Variants in DOCK3 observed in about 807,000 individuals in gnomAD.
The protein encoded by DOCK3 is dedicator of cytokinesis 3, also known as dedicator of cytokinesis protein 3.
A neutral mutation model predicts 265.6 loss-of-function variants in DOCK3; 60 were observed. That is an observed-to-expected ratio of 0.23 (90% CI 0.18 to 0.28). DOCK3 has a LOEUF of 0.28. Ranked by LOEUF, DOCK3 falls within the 10% of genes least tolerant of loss-of-function variation. DOCK3 has a pLI of 1.00. For missense variants in DOCK3, 1,981 were observed against 2,594.3 expected (o/e 0.76, Z 5.14); for synonymous variants, 881 against 938.0 (o/e 0.94, Z 1.11).
At chr3:50,978,732 C>A (rs1378823444) in intron 5 of DOCK3, among the ~76,000 whole-genome samples, 1 of 152,218 alleles carries the variant, frequency 6.6e-6, no homozygotes, top group East Asian at 1.9e-4. Context: ...TGGCGGGCGC[C>A]CCTCCCCCAG....
At chr3:51,003,676 T>C (rs1423703676) in intron 5 of DOCK3, among the ~76,000 whole-genome samples, 1 of 152,242 alleles carries the variant, frequency 6.6e-6, no homozygotes, top group Admixed American at 6.5e-5. Flanking sequence ...TTCTCCTATT[T>C]CTTGATACAA....
At chr3:50,854,994 A>G (rs377393589) in intron 3 of DOCK3, among the ~76,000 whole-genome samples, 4 of 151,924 alleles carry the variant, frequency 2.6e-5, no homozygotes, top group Admixed American at 6.6e-5. Flanking sequence ...CTATGTGTCT[A>G]TTTTTGTACC....
intron 23 of DOCK3, among the ~76,000 whole-genome samples, chr3:51,261,995 G>T (rs2079877088): frequency 6.6e-6 from 1 of 152,196 alleles, no homozygotes; most frequent in African/African-American, 2.4e-5. Context: ...AGCTTCAGCA[G>T]ACTTAAATGT....
intron 5 of DOCK3, among the ~76,000 whole-genome samples, chr3:51,019,586 A>G (rs144783532): frequency 1.1e-4 from 16 of 151,982 alleles, no homozygotes; most frequent in East Asian, 9.6e-4. Flanking sequence ...ATTAAGCCCA[A>G]CATCTATCAG....
At chr3:51,015,096 C>T (rs2079099270) in intron 5 of DOCK3, among the ~76,000 whole-genome samples, 1 of 152,042 alleles carries the variant, frequency 6.6e-6, no homozygotes, top group Non-Finnish European at 1.5e-5. Context: ...AATTTGACAT[C>T]TTTCCTTCCA....
intron 5 of DOCK3, among the ~76,000 whole-genome samples, chr3:51,028,428 C>A (rs1022518729): frequency 3.3e-5 from 5 of 151,852 alleles, no homozygotes; most frequent in Non-Finnish European, 4.4e-5. Flanking sequence ...GTGTATCTTG[C>A]AGGTGTTCTC....
At chr3:50,951,310 TC>T (rs1474748832) in intron 5 of DOCK3, among the ~76,000 whole-genome samples, 1 of 152,212 alleles carries the variant, frequency 6.6e-6, no homozygotes, top group Non-Finnish European at 1.5e-5. Context: ...ATTTGGGTTA[TC>T]CTTTTTGCCT....
rs1386304474 is a variant in DOCK3 at position 51,233,440 on chromosome 3, AC to A, written c.1918-2904del. 1.2e-4 allele frequency among the ~76,000 whole-genome samples: 18 copies of A among 152,164 alleles called. No individual in the cohort carries two copies. In the East Asian group the frequency reaches 2.9e-3, roughly 24 times the overall value. On this transcript the variant is annotated intron_variant, in intron 19 of 52. Coordinates refer to ENST00000266037, the MANE Select transcript of DOCK3 (RefSeq NM_004947.5). The stretch of plus-strand genomic sequence containing the variant: ...GAGTACAATGGCGTGATCTCGGCTC[AC>A]TGCAACCTCTGCCTCCCAGATTCAA...
At chr3:50,762,271 G>A (rs1304410010) in intron 1 of DOCK3, among the ~76,000 whole-genome samples, 2 of 151,292 alleles carry the variant, frequency 1.3e-5, no homozygotes, top group African/African-American at 2.4e-5. Flanking sequence ...AAAAAAAAAA[G>A]AATAGATAAC....
intron 9 of DOCK3, among the ~76,000 whole-genome samples, chr3:51,090,643 G>C (rs1162328244): frequency 2.0e-5 from 3 of 152,148 alleles, no homozygotes; most frequent in Non-Finnish European, 2.9e-5. Flanking sequence ...ACCTCACAGA[G>C]AGAAAAGGAT....
At chr3:50,919,492 A>G (rs1368776262) in intron 4 of DOCK3, among the ~76,000 whole-genome samples, 2 of 152,020 alleles carry the variant, frequency 1.3e-5, no homozygotes, top group Non-Finnish European at 2.9e-5. Flanking sequence ...TTATATTCCT[A>G]GGTATTTTAT....
rs1405377388 is a variant in DOCK3 at position 50,751,984 on chromosome 3, T to A, written c.38-26691T>A. On this transcript the variant is annotated intron_variant, in intron 1 of 52. Transcript: ENST00000266037. ...CATGATCCAATCACCTTCTACCAGG[T>A]CTCTTCCTAGACATGTGGGGATTAT... Among the ~76,000 whole-genome samples the A allele has an allele frequency of 2.0e-5, 3 of 152,024 alleles. No individual in the cohort carries two copies. In the East Asian group the frequency reaches 5.8e-4, roughly 29 times the overall value.
intron 12 of DOCK3, among the ~76,000 whole-genome samples, chr3:51,181,303 A>C (rs2087280961): frequency 2.0e-5 from 2 of 99,722 alleles, no homozygotes; most frequent in African/African-American, 8.1e-5. Context: ...CCACCCCACA[A>C]CAGGCCCTGG....
At chr3:51,329,452 G>A (rs1053599658) in intron 32 of DOCK3, among the ~76,000 whole-genome samples, 6 of 152,146 alleles carry the variant, frequency 3.9e-5, no homozygotes, top group African/African-American at 1.2e-4. Context: ...TAAAAAAAAA[G>A]TGACTGAGTA....
Position 50,727,618 on chromosome 3 carries a change from A to G in DOCK3, c.38-51057A>G, listed in dbSNP as rs1050425715. On this transcript the variant is annotated intron_variant, in intron 1 of 52. Coordinates refer to ENST00000266037, the MANE Select transcript of DOCK3 (RefSeq NM_004947.5). ...GAGGCTGAGGCAGGAGAATTGCTTG[A>G]AACCGGGAGGCAGAGGTTGCAGTGA... Among the ~76,000 whole-genome samples the G allele has an allele frequency of 2.1e-4, 32 of 152,178 alleles. 1 individual carries two copies. The highest frequency in any genetic ancestry group is 2.1e-3 in the Admixed American group (32 of 15,278).
At chr3:51,237,686 C>T (rs964753648) in intron 21 of DOCK3, 96 bp downstream of exon 21, 3 of 1,098,288 alleles carry the variant, frequency 2.7e-6, no homozygotes, top group Admixed American at 2.6e-5. Flanking sequence ...AAAAGTTCAG[C>T]TGACTTTTTA....
chr3:50,904,563 T>G (rs2049375954), intron 4 of DOCK3, among the ~76,000 whole-genome samples: 1 of 152,234 alleles, frequency 6.6e-6, no homozygotes, highest in African/African-American at 2.4e-5. Context: ...AATATCTTCT[T>G]TTGAGAAGTG....
At chr3:50,719,268 C>CTTTTTTTTTTTTTTTTTTT (rs71084106) in intron 1 of DOCK3, among the ~76,000 whole-genome samples, 2 of 138,672 alleles carry the variant, frequency 1.4e-5, no homozygotes, top group Admixed American at 7.2e-5. Flanking sequence ...TAGATATTTT[C>CTTTTTTTTTTTTTTTTTTT]TTTTTTTTTT....
At chr3:50,734,949 C>T (rs2038492626) in intron 1 of DOCK3, among the ~76,000 whole-genome samples, 1 of 152,122 alleles carries the variant, frequency 6.6e-6, no homozygotes, top group Admixed American at 6.6e-5. Context: ...GTGTTAGCAT[C>T]CTTTTATTTC....
Sources: allele counts gnomAD v4.1 joint callset (sites outside exome capture counted in the v4.1 genomes callset), GRCh38; gene constraint gnomAD v4.1.1; transcripts MANE v1.5; gene names NCBI Gene and HGNC (gene_info 2026-07-23, HGNC 2026-07-21).